Variants in TSPAN18 observed in about 807,000 individuals in gnomAD.
The protein encoded by TSPAN18 is tetraspanin-18.
In TSPAN18, 14 loss-of-function variants were observed where a neutral mutation model predicts 27.3. That is an observed-to-expected ratio of 0.51 (90% confidence interval 0.34 to 0.80). The LOEUF is 0.80. Among genes scored for constraint, TSPAN18 ranks in the 30% least tolerant of loss-of-function variants. The pLI is 0.01. For synonymous variants in TSPAN18, 143 were observed against 136.5 expected (o/e 1.05, Z -0.33); for missense variants, 268 against 323.9 (o/e 0.83, Z 1.32).
At chr11:44,909,977 C>T in intron 5 of TSPAN18, 78 bp downstream of exon 5, 4 of 1,499,060 alleles carry the variant, frequency 2.7e-6, no homozygotes, top group South Asian at 1.3e-5. Context: ...CCAGGCCCTG[C>T]CTGGCTTCCA....
intron 8 of TSPAN18, 103 bp from the exon 9 acceptor site, chr11:44,926,571 G>GA: frequency 2.9e-6 from 3 of 1,040,564 alleles, no homozygotes. Context: ...GATAGGGTGA[G>GA]AGCTCTGGGG....
At chr11:44,875,238 G>A (rs541221111) in intron 3 of TSPAN18, among the ~76,000 whole-genome samples, 3 of 152,370 alleles carry the variant, frequency 2.0e-5, no homozygotes, top group African/African-American at 7.2e-5. Flanking sequence ...GAGAGCTGGT[G>A]TCCCCAACCA....
intron 8 of TSPAN18, among the ~76,000 whole-genome samples, chr11:44,922,570 AT>A (rs1447357267): frequency 6.6e-6 from 1 of 152,150 alleles, no homozygotes; most frequent in African/African-American, 2.4e-5. Context: ...CCTGGTCCAC[AT>A]TGGTGGTGGA....
At chr11:44,762,038 G>A (rs1855465644) in intron 1 of TSPAN18, among the ~76,000 whole-genome samples, 1 of 152,192 alleles carries the variant, frequency 6.6e-6, no homozygotes. Context: ...TGCACTGTGA[G>A]GTGACTCAAT....
rs917994023 is a variant in TSPAN18 at position 44,908,817 on chromosome 11, A to G, written c.64-888A>G. Among the ~76,000 whole-genome samples the G allele has an allele frequency of 7.3e-3, 863 of 117,816 alleles. 162 individuals are homozygous for G. Among genetic ancestry groups the G allele is most frequent in the African/African-American group, 0.029 (824 of 28,854 alleles). 77.3% of individuals were successfully genotyped at this position (117,816 alleles called of 152,430 possible). On this transcript the variant is annotated intron_variant, in intron 4 of 9. Coordinates refer to ENST00000520358, the MANE Select transcript of TSPAN18 (RefSeq NM_130783.5). ...AAAGAAAGAAAGAAAGAAAGAAAGA[A>G]AGAAAGAAAGAAAAAGAAAAATGGA... is the stretch of plus-strand genomic sequence containing the variant.
At chr11:44,862,415 GCT>G (rs1857921288) in intron 3 of TSPAN18, among the ~76,000 whole-genome samples, 1 of 152,196 alleles carries the variant, frequency 6.6e-6, no homozygotes, top group South Asian at 2.1e-4. Context: ...AGTCTCTCTC[GCT>G]CTGTGTCTCG....
chr11:44,803,863 T>A (rs1243143403), intron 2 of TSPAN18, among the ~76,000 whole-genome samples: 3 of 152,140 alleles, frequency 2.0e-5, no homozygotes, highest in Non-Finnish European at 4.4e-5. Context: ...AAACTCAGCT[T>A]AGGGCAAAAA....
intron 2 of TSPAN18, among the ~76,000 whole-genome samples, chr11:44,823,656 G>C (rs894431263): frequency 5.3e-5 from 8 of 152,106 alleles, no homozygotes; most frequent in Non-Finnish European, 1.2e-4. Context: ...GATTTGACTT[G>C]TAGCTTGGCT....
chr11:44,853,847 T>C (rs1387826844), intron 2 of TSPAN18, among the ~76,000 whole-genome samples: 1 of 152,074 alleles, frequency 6.6e-6, no homozygotes, highest in Non-Finnish European at 1.5e-5. Flanking sequence ...CGCAGCCCTC[T>C]GGGCCTCCCG....
chr11:44,730,466 C>G (rs1468179117), intron 1 of TSPAN18, among the ~76,000 whole-genome samples: 1 of 152,088 alleles, frequency 6.6e-6, no homozygotes, highest in Non-Finnish European at 1.5e-5. Context: ...AACCAGCACT[C>G]TGGTCCCACT....
chr11:44,743,284 A>G (rs1481533426), intron 1 of TSPAN18, among the ~76,000 whole-genome samples: 1 of 152,206 alleles, frequency 6.6e-6, no homozygotes, highest in Non-Finnish European at 1.5e-5. Flanking sequence ...CATTAAAGGC[A>G]GAGCATGACA....
At chr11:44,851,041 C>G (rs1287394967) in intron 2 of TSPAN18, among the ~76,000 whole-genome samples, 1 of 152,244 alleles carries the variant, frequency 6.6e-6, no homozygotes, top group Non-Finnish European at 1.5e-5. Flanking sequence ...GTGGCTAGAA[C>G]AACGGTTTCC....
chr11:44,868,311 GAAA>G (rs1468993998), intron 3 of TSPAN18, among the ~76,000 whole-genome samples: 1 of 152,186 alleles, frequency 6.6e-6, no homozygotes, highest in Non-Finnish European at 1.5e-5. Flanking sequence ...TGGGGATAGA[GAAA>G]AACAAAATAC....
chr11:44,918,785 G>A (rs1364367838), intron 6 of TSPAN18, among the ~76,000 whole-genome samples: 1 of 151,972 alleles, frequency 6.6e-6, no homozygotes, highest in Non-Finnish European at 1.5e-5. Context: ...AACTGTGGAG[G>A]ACTCCTCTGG....
At chr11:44,848,592 G>A (rs533823578) in intron 2 of TSPAN18, among the ~76,000 whole-genome samples, 8 of 152,332 alleles carry the variant, frequency 5.3e-5, no homozygotes, top group African/African-American at 1.7e-4. Flanking sequence ...TTGGGAGTGA[G>A]GAGGGGGCGG....
At chr11:44,819,876 T>A (rs1234048997) in intron 2 of TSPAN18, among the ~76,000 whole-genome samples, 1 of 152,184 alleles carries the variant, frequency 6.6e-6, no homozygotes, top group African/African-American at 2.4e-5. Flanking sequence ...CTTCTGTTGG[T>A]CTTGTAAAGG....
At chr11:44,774,302 T>C (rs937922182) in intron 2 of TSPAN18, among the ~76,000 whole-genome samples, 17 of 152,236 alleles carry the variant, frequency 1.1e-4, no homozygotes, top group African/African-American at 4.1e-4. Flanking sequence ...GTGTGGTATC[T>C]GCTTTCTGTC....
intron 4 of TSPAN18, 101 bp from the exon 5 acceptor site, chr11:44,909,604 G>A: frequency 3.2e-6 from 4 of 1,244,736 alleles, no homozygotes; most frequent in Non-Finnish European, 4.4e-6. Flanking sequence ...AGTGCTTGAT[G>A]CCTCTGACCC....
At chr11:44,809,398 A>G (rs979491098) in intron 2 of TSPAN18, among the ~76,000 whole-genome samples, 4 of 152,016 alleles carry the variant, frequency 2.6e-5, no homozygotes, top group Non-Finnish European at 4.4e-5. Flanking sequence ...AGACTATGCA[A>G]TCAGGTTCTT....
Sources: gnomAD v4.1 joint callset for allele counts (sites outside exome capture counted in the v4.1 genomes callset) on GRCh38, gnomAD v4.1.1 for gene constraint, MANE v1.5 for transcripts, NCBI Gene and HGNC (gene_info 2026-07-23, HGNC 2026-07-21) for gene names.